Variants in CDH12 observed in about 807,000 individuals in gnomAD.
The protein encoded by CDH12 is cadherin-12.
A neutral mutation model predicts 74.1 loss-of-function variants in CDH12; 41 were observed. That is an observed-to-expected ratio of 0.55 (90% CI 0.43 to 0.72). The LOEUF (loss-of-function observed/expected upper bound fraction) is 0.72. Among genes scored for constraint, CDH12 ranks in the 30% least tolerant of loss-of-function variants. CDH12 has a pLI of 0.00. For missense variants in CDH12, 945 were observed against 977.2 expected, an observed-to-expected ratio of 0.97 and a Z score of 0.44; for synonymous variants, 399 against 355.0, an observed-to-expected ratio of 1.12 and a Z score of -1.39.
chr5:22,091,197 G>GTATATATATA (rs144921991), intron 4 of CDH12, among the ~76,000 whole-genome samples: 6 of 132,246 alleles, frequency 4.5e-5, no homozygotes, highest in South Asian at 2.3e-4. Context: ...GTGTGTGTGT[G>GTATATATATA]TATATATATA....
intron 6 of CDH12, among the ~76,000 whole-genome samples, chr5:21,943,293 T>G (rs1458047568): frequency 6.6e-6 from 1 of 152,244 alleles, no homozygotes; most frequent in African/African-American, 2.4e-5. Context: ...ACTTGTTTTC[T>G]GTTTATAGTT....
chr5:22,072,869 G>C (rs560032778), intron 5 of CDH12, among the ~76,000 whole-genome samples: 1 of 152,094 alleles, frequency 6.6e-6, no homozygotes, highest in East Asian at 1.9e-4. Flanking sequence ...AATAAACCAT[G>C]ATATTTTCTG....
chr5:22,831,319 G>A (rs1258718494), intron 1 of CDH12, among the ~76,000 whole-genome samples: 2 of 150,664 alleles, frequency 1.3e-5, no homozygotes, highest in African/African-American at 2.4e-5. Context: ...AAATGAAATA[G>A]GAGAGACAAA....
chr5:22,622,689 C>CA (rs35208494), intron 1 of CDH12, among the ~76,000 whole-genome samples: 43,074 of 151,790 alleles, frequency 0.28, 6,240 homozygotes, highest in South Asian at 0.35. Flanking sequence ...AGTAGCCTAC[C>CA]ACCAAAAAAA....
chr5:22,834,893 G>T (rs1287198087), intron 1 of CDH12, among the ~76,000 whole-genome samples: 9 of 151,736 alleles, frequency 5.9e-5, no homozygotes, highest in Admixed American at 5.9e-4. Context: ...AGAAGGAGAG[G>T]TAGAAAAAAG....
chr5:22,709,947 A>G (rs2126972410), intron 1 of CDH12, among the ~76,000 whole-genome samples: 1 of 152,328 alleles, frequency 6.6e-6, no homozygotes, highest in Non-Finnish European at 1.5e-5. Flanking sequence ...TCTGGCAAGT[A>G]GGAACATGGT....
chr5:22,028,547 C>T (rs1425473822), intron 5 of CDH12, among the ~76,000 whole-genome samples: 4 of 152,122 alleles, frequency 2.6e-5, no homozygotes, highest in Non-Finnish European at 4.4e-5. Flanking sequence ...AGGAATCCAA[C>T]TTACAAGGGA....
intron 6 of CDH12, chr5:21,882,898 A>G: frequency 1.2e-6 from 2 of 1,604,888 alleles, no homozygotes; most frequent in Non-Finnish European, 8.5e-7. Context: ...GATGTTGCCA[A>G]TAACACAAAT....
In CDH12 at chr5:22,230,473, A is replaced by ATTTTT. The variant is rs35066570; in HGVS notation, c.-332-17835_-332-17831dup. 4.8e-3 allele frequency among the ~76,000 whole-genome samples: 641 copies of ATTTTT among 133,598 alleles called. 4 individuals carry two copies. Among genetic ancestry groups the ATTTTT allele is most frequent in the African/African-American group, 0.017 (611 of 35,134 alleles). 87.6% of individuals were successfully genotyped at this position (133,598 alleles called of 152,430 possible). ...TATTGTCAAAAAAAGAGATGTCATA[A>ATTTTT]TTTTTTTTTTTTTTTTTTGACAGAG... On this transcript the variant is annotated intron_variant, in intron 3 of 14. Transcript: ENST00000382254.
chr5:22,210,633 C>T (rs1001295378), intron 4 of CDH12, among the ~76,000 whole-genome samples: 13 of 152,080 alleles, frequency 8.5e-5, no homozygotes, highest in East Asian at 5.8e-4. Flanking sequence ...AGAGAGTAAA[C>T]GCAACCTTCA....
intron 4 of CDH12, among the ~76,000 whole-genome samples, chr5:22,111,395 G>A (rs913747622): frequency 3.9e-5 from 6 of 152,142 alleles, no homozygotes; most frequent in Non-Finnish European, 5.9e-5. Flanking sequence ...CTGCTTTCCC[G>A]TTTTCCCTGA....
At chr5:21,890,376 T>A (rs751743762) in intron 6 of CDH12, among the ~76,000 whole-genome samples, 2 of 152,066 alleles carry the variant, frequency 1.3e-5, no homozygotes. Context: ...TAATAATTAA[T>A]GGAAAATAAG....
intron 2 of CDH12, among the ~76,000 whole-genome samples, chr5:22,493,272 T>A (rs1746963156): frequency 6.6e-6 from 1 of 152,226 alleles, no homozygotes; most frequent in East Asian, 1.9e-4. Flanking sequence ...TATTAGTCCT[T>A]AATCATATCT....
intron 2 of CDH12, among the ~76,000 whole-genome samples, chr5:22,412,131 G>A (rs1228973452): frequency 2.6e-5 from 4 of 151,920 alleles, no homozygotes; most frequent in African/African-American, 9.7e-5. Flanking sequence ...GAAAATAGCA[G>A]TATTCATGCC....
At position 22,422,480 on chromosome 5, in the gene CDH12, T is replaced by C. The variant is rs116127254; in HGVS notation, c.-427-17129A>G. ...GCTGTTGAATTCGGTTTGCCAGTAT[T>C]TTTTTGAAGATATTTGCATTGATGT... On this transcript the variant is annotated intron_variant, in intron 2 of 14. Coordinates refer to ENST00000382254, the MANE Select transcript of CDH12 (RefSeq NM_004061.5). Among the ~76,000 whole-genome samples, 1,259 of 152,246 alleles carry C rather than the reference T, an allele frequency of 8.3e-3. 18 individuals carry two copies. Among genetic ancestry groups the C allele is most frequent in the African/African-American group, 0.029 (1,208 of 41,520 alleles).
chr5:22,820,536 A>C (rs1749643606), intron 1 of CDH12, among the ~76,000 whole-genome samples: 1 of 152,216 alleles, frequency 6.6e-6, no homozygotes, highest in South Asian at 2.1e-4. Context: ...GATGCAATAA[A>C]AATGATAAAG....
chr5:22,693,972 C>T (rs1278317719), intron 1 of CDH12, among the ~76,000 whole-genome samples: 1 of 152,034 alleles, frequency 6.6e-6, no homozygotes, highest in Non-Finnish European at 1.5e-5. Context: ...AAGGATTTCA[C>T]TCTGTTGCCC....
At chr5:22,207,997 GGA>G (rs1751314086) in intron 4 of CDH12, among the ~76,000 whole-genome samples, 1 of 152,120 alleles carries the variant, frequency 6.6e-6, no homozygotes, top group Admixed American at 6.5e-5. Context: ...CACTACAATA[GGA>G]TAGGTACTGT....
At chr5:22,028,926 G>A (rs954303358) in intron 5 of CDH12, among the ~76,000 whole-genome samples, 4 of 152,102 alleles carry the variant, frequency 2.6e-5, no homozygotes, top group Non-Finnish European at 5.9e-5. Context: ...ATAGATCAAT[G>A]GAACAGAACA....
Sources: allele counts gnomAD v4.1 joint callset (sites outside exome capture counted in the v4.1 genomes callset), GRCh38; gene constraint gnomAD v4.1.1; transcripts MANE v1.5; gene names NCBI Gene and HGNC (gene_info 2026-07-23, HGNC 2026-07-21).